The following ERP27 variants were observed in gnomAD, a reference collection of about 807,000 sequenced individuals.
ERP27 encodes the protein endoplasmic reticulum resident protein 27.
Under a neutral mutation model 27.7 loss-of-function variants are expected in ERP27, and 23 were observed. That is an observed-to-expected ratio of 0.83 (90% CI 0.60 to 1.18). The LOEUF (loss-of-function observed/expected upper bound fraction) is 1.18, where lower values mean the gene tolerates loss of function less well. Ranked by LOEUF, ERP27 falls within the 50% of genes most tolerant of loss-of-function variation. The pLI is 0.00. For synonymous variants in ERP27, 159 were observed against 118.3 expected (o/e 1.34, Z -2.23); for missense variants, 363 against 327.9 (o/e 1.11, Z -0.83).
At position 14,938,121 on chromosome 12, in the gene ERP27, C is replaced by T. The variant is rs145989508; in HGVS notation, c.95-69G>A. The T allele has an allele frequency of 6.3e-3, 8,057 of 1,287,690 alleles. 39 individuals carry two copies. The highest frequency in any genetic ancestry group is 8.2e-3 in the Non-Finnish European group (7,279 of 887,910). 79.8% of individuals were successfully genotyped at this position (1,287,690 alleles called of 1,614,324 possible). A position where few individuals can be genotyped will look rare whatever the true frequency, so the allele number is the denominator to read the frequency against. On this transcript the variant is annotated intron_variant, in intron 1 of 6. Transcript: ENST00000266397. ...AAGCAGCTCTAAATAATGAGGGCAT[C>T]TATACCTTTTATCTCTATACTAAGG... is the stretch of plus-strand genomic sequence containing the variant.
chr12:14,928,831 A>C (rs1196431369), intron 3 of ERP27: 1 of 1,079,822 alleles, frequency 9.3e-7, no homozygotes, highest in Admixed American at 2.1e-5. Flanking sequence ...CCACCCTCCT[A>C]CCACCTCCTT....
Position 14,920,926 on chromosome 12 carries a change from G to A in ERP27, c.450+6C>T, listed in dbSNP as rs368533335. On this transcript the variant is annotated splice_donor_region_variant and intron_variant, in intron 4 of 6. Transcript: ENST00000266397. ...GAAGGGACTAAGAACAGGAAGTATTGTTTACCACAGGGTTGTACTCTGTCA... is the reference window on the plus strand; with the variant it reads ...GAAGGGACTAAGAACAGGAAGTATTATTTACCACAGGGTTGTACTCTGTCA... 9.3e-6 allele frequency: 15 copies of A among 1,610,718 alleles called. No homozygotes were observed. In the African/African-American group the frequency reaches 2.0e-4, roughly 22 times the overall value.
chr12:14,932,849 A>G (rs1863716144), intron 3 of ERP27, among the ~76,000 whole-genome samples: 1 of 152,260 alleles, frequency 6.6e-6, no homozygotes, highest in Non-Finnish European at 1.5e-5. Context: ...CCAAATGAGC[A>G]TAGCCACTTA....
At chr12:14,921,800 G>A (rs1264774970) in intron 3 of ERP27, among the ~76,000 whole-genome samples, 1 of 148,936 alleles carries the variant, frequency 6.7e-6, no homozygotes, top group African/African-American at 2.5e-5. Context: ...TTTTTTTTTT[G>A]CCAAAGGTAT....
Position 14,937,939 on chromosome 12 carries a change from G to A in ERP27, c.195+13C>T. 1.9e-6 allele frequency: 3 copies of A among 1,610,826 alleles called. No individual in the cohort carries two copies. In the South Asian group the frequency reaches 3.3e-5, roughly 18 times the overall value. On this transcript the variant is annotated intron_variant, in intron 2 of 6. Transcript: ENST00000266397. ...TTTCTGGCTCTTGGGGGAATTGCAAGTAGGGAACTAACCTGGAAGAAGCCT... is the reference window on the plus strand; with the variant it reads ...TTTCTGGCTCTTGGGGGAATTGCAAATAGGGAACTAACCTGGAAGAAGCCT...
intron 3 of ERP27, among the ~76,000 whole-genome samples, chr12:14,923,040 C>T (rs1248681203): frequency 6.7e-6 from 1 of 149,456 alleles, no homozygotes; most frequent in Non-Finnish European, 1.5e-5. Flanking sequence ...TGCCATTGCA[C>T]TCCGGCCTGG....
Position 14,914,599 on chromosome 12 carries a change from CGTGCGTGTGTGCACGTGCGTGT to C in ERP27, c.*114_*135del, listed in dbSNP as rs1863378521. 1.5e-6 allele frequency: 1 copy of C among 645,284 alleles called. No individual in the cohort carries two copies. The highest frequency in any genetic ancestry group is 2.9e-5 in the Admixed American group (1 of 34,970). 40.0% of individuals were successfully genotyped at this position (645,284 alleles called of 1,614,324 possible). A position where few individuals can be genotyped will look rare whatever the true frequency, so the allele number is the denominator to read the frequency against. On this transcript the variant is annotated 3_prime_UTR_variant, in exon 7 of 7. Transcript: ENST00000266397. The stretch of plus-strand genomic sequence containing the variant: ...GTGTGCGTGTGTGTGTGCACGCGTG[CGTGCGTGTGTGCACGTGCGTGT>C]GTGTGTGGTTGGCAGGCCTAGTGAT...
chr12:14,929,254 G>T, intron 3 of ERP27: 1 of 722,642 alleles, frequency 1.4e-6, no homozygotes, highest in Non-Finnish European at 1.9e-6. Flanking sequence ...TAAATTGGAG[G>T]CAGAGGATGT....
chr12:14,935,640 T>C (rs903733262), intron 2 of ERP27, among the ~76,000 whole-genome samples: 1 of 152,302 alleles, frequency 6.6e-6, no homozygotes, highest in East Asian at 1.9e-4. Context: ...ATGCCTGTGG[T>C]TGCCGGTTAT....
chr12:14,928,271 A>C (rs1240031596), intron 3 of ERP27, among the ~76,000 whole-genome samples: 1 of 152,156 alleles, frequency 6.6e-6, no homozygotes, highest in African/African-American at 2.4e-5. Flanking sequence ...ATCTCATGTT[A>C]GTTAAGGTAG....
intron 3 of ERP27, among the ~76,000 whole-genome samples, chr12:14,933,000 T>C (rs1298160895): frequency 2.0e-5 from 3 of 152,208 alleles, no homozygotes; most frequent in Non-Finnish European, 4.4e-5. Flanking sequence ...AGACTAGGGA[T>C]AAAATATTCT....
chr12:14,928,797 A>G (rs956857355), intron 3 of ERP27: 15 of 626,630 alleles, frequency 2.4e-5, no homozygotes, highest in African/African-American at 2.4e-4. Context: ...AAAGCAAGAG[A>G]AAAGGTCTTA....
At chr12:14,926,594 T>C (rs113462979) in intron 3 of ERP27, among the ~76,000 whole-genome samples, 1 of 152,230 alleles carries the variant, frequency 6.6e-6, no homozygotes, top group African/African-American at 2.4e-5. Context: ...TAGGCTTTAA[T>C]TATTCTCTCA....
chr12:14,918,330 A>G (rs770876723), intron 4 of ERP27, among the ~76,000 whole-genome samples: 1 of 152,174 alleles, frequency 6.6e-6, no homozygotes, highest in Non-Finnish European at 1.5e-5. Context: ...GGTTGAACCA[A>G]TGTACCAAAG....
At chr12:14,919,345 CAGA>C (rs1384033508) in intron 4 of ERP27, among the ~76,000 whole-genome samples, 20 of 152,110 alleles carry the variant, frequency 1.3e-4, no homozygotes, top group Non-Finnish European at 2.9e-5. Flanking sequence ...AAATGAGAGA[CAGA>C]TCAGGCATAA....
At chr12:14,934,213 C>T (rs564542359) in intron 3 of ERP27, among the ~76,000 whole-genome samples, 1 of 152,214 alleles carries the variant, frequency 6.6e-6, no homozygotes, top group South Asian at 2.1e-4. Flanking sequence ...CTTGTCTAAA[C>T]TTATCTATCC....
At chr12:14,924,516 C>A (rs778544915) in intron 3 of ERP27, among the ~76,000 whole-genome samples, 7 of 152,202 alleles carry the variant, frequency 4.6e-5, no homozygotes, top group Non-Finnish European at 7.3e-5. Flanking sequence ...AAAATACTTT[C>A]TCCACATCCA....
At chr12:14,927,457 T>G (rs1411291658) in intron 3 of ERP27, among the ~76,000 whole-genome samples, 2 of 151,352 alleles carry the variant, frequency 1.3e-5, no homozygotes, top group Non-Finnish European at 2.9e-5. Flanking sequence ...TTCATTCCTG[T>G]TTTTAGGTAC....
chr12:14,927,582 T>C (rs1335836648), intron 3 of ERP27, among the ~76,000 whole-genome samples: 2 of 152,138 alleles, frequency 1.3e-5, no homozygotes, highest in African/African-American at 4.8e-5. Flanking sequence ...GATCTCAAAA[T>C]GCAAATTTAT....
Sources: gnomAD v4.1 joint callset for allele counts (sites outside exome capture counted in the v4.1 genomes callset) on GRCh38, gnomAD v4.1.1 for gene constraint, MANE v1.5 for transcripts, NCBI Gene and HGNC (gene_info 2026-07-23, HGNC 2026-07-21) for gene names.